Variants in FANCB observed in about 807,000 individuals in gnomAD.
FANCB encodes the protein Fanconi anemia group B protein.
FANCB carries 5 observed loss-of-function variants against 38.9 expected under a neutral mutation model. The ratio of observed to expected loss-of-function variants is 0.13; its 90% CI spans 0.07 to 0.27. FANCB has a LOEUF of 0.27. Ranked by LOEUF, FANCB falls within the 10% of genes least tolerant of loss-of-function variation. The probability of loss-of-function intolerance (pLI) is 1.00; values close to 1 mark genes in which losing one functional copy is unlikely to be tolerated. For missense variants in FANCB, 573 were observed against 602.7 expected, an observed-to-expected ratio of 0.95 and a Z score of 0.52; for synonymous variants, 236 against 215.4, an observed-to-expected ratio of 1.10 and a Z score of -0.84.
the FANCB span, among the ~76,000 whole-genome samples, chrX:14,795,478 G>A: frequency 3.6e-4 from 40 of 111,377 alleles, no homozygotes; most frequent in East Asian, 1.7e-3. Flanking sequence ...GAGGAAAAGG[G>A]TGAAGATGCA....
chrX:14,690,385 A>G, the FANCB span, among the ~76,000 whole-genome samples: 6 of 111,869 alleles, frequency 5.4e-5, no homozygotes, highest in East Asian at 1.7e-3. Flanking sequence ...GCTACTTAAC[A>G]TATGCATTAT....
chrX:14,819,538 C>T, the FANCB span, among the ~76,000 whole-genome samples: 1 of 111,499 alleles, frequency 9.0e-6, no homozygotes, highest in Non-Finnish European at 1.9e-5. Flanking sequence ...GAAAAACAGC[C>T]CCCAGCTAAA....
At chrX:14,706,641 G>C in the FANCB span, among the ~76,000 whole-genome samples, 1 of 111,222 alleles carries the variant, frequency 9.0e-6, no homozygotes, top group African/African-American at 3.3e-5. Flanking sequence ...AGCCAAATGG[G>C]AACCCCATGA....
chrX:14,746,400 T>C, the FANCB span, among the ~76,000 whole-genome samples: 8 of 111,821 alleles, frequency 7.2e-5, no homozygotes, highest in Non-Finnish European at 1.3e-4. Context: ...GACTACAAAG[T>C]ATGGAAGAGA....
At chrX:14,793,242 G>A in the FANCB span, among the ~76,000 whole-genome samples, 1 of 112,171 alleles carries the variant, frequency 8.9e-6, no homozygotes, top group Non-Finnish European at 1.9e-5. Context: ...ATGAAGTATT[G>A]ACACATGCTA....
chrX:14,844,691 A>G lies in FANCB; in HGVS notation c.1977T>C (p.Cys659=), dbSNP rs2092368480. The change falls in exon 9 of 10, where the codon TGT becomes TGC. Residue 659 remains cysteine (C), a synonymous_variant. Transcript: ENST00000650831. ...CATAGCCGGGTGATGTGATTTGAAA[A>G]CAAGATTTATGGAATGCTGCAAGAA... The part of the protein sequence containing the change: ...FALLAAFHKS[C]FQITSPGYAL... 3 of 1,211,466 alleles carry G rather than the reference A, an allele frequency of 2.5e-6. No homozygotes were observed. In the East Asian group the frequency reaches 8.9e-5, roughly 36 times the overall value.
the FANCB span, among the ~76,000 whole-genome samples, chrX:14,692,502 G>A: frequency 8.9e-6 from 1 of 111,870 alleles, no homozygotes; most frequent in African/African-American, 3.2e-5. Context: ...TTTACATATG[G>A]TAATACTGCT....
chrX:14,702,846 C>T, the FANCB span, among the ~76,000 whole-genome samples: 1 of 111,387 alleles, frequency 9.0e-6, no homozygotes, highest in Non-Finnish European at 1.9e-5. Flanking sequence ...AAGGTGGCTC[C>T]TCACAGCATG....
the FANCB span, among the ~76,000 whole-genome samples, chrX:14,814,564 GA>G: frequency 8.9e-6 from 1 of 112,377 alleles, no homozygotes. Flanking sequence ...ACAGACACAT[GA>G]AAAAATGCTC....
At chrX:14,750,828 T>C in the FANCB span, among the ~76,000 whole-genome samples, 2 of 108,002 alleles carry the variant, frequency 1.9e-5, no homozygotes, top group Non-Finnish European at 3.8e-5. Flanking sequence ...TTAAATCATA[T>C]GAAAATAGGC....
the FANCB span, among the ~76,000 whole-genome samples, chrX:14,818,086 T>A: frequency 1.8e-5 from 2 of 111,708 alleles, no homozygotes; most frequent in Non-Finnish European, 3.8e-5. Flanking sequence ...CGGTCCTCAT[T>A]GAGCCTTTGT....
At chrX:14,690,899 T>A in the FANCB span, 1 of 1,175,869 alleles carries the variant, frequency 8.5e-7, no homozygotes, top group Non-Finnish European at 1.2e-6. Context: ...AGAGCTTGAG[T>A]TGGTTAGCTA....
the FANCB span, among the ~76,000 whole-genome samples, chrX:14,826,561 T>C: frequency 1.8e-5 from 2 of 112,620 alleles, no homozygotes; most frequent in African/African-American, 6.5e-5. Context: ...GCATTTCACT[T>C]GAGTGAAGTT....
At chrX:14,700,351 G>A in the FANCB span, among the ~76,000 whole-genome samples, 10 of 110,443 alleles carry the variant, frequency 9.1e-5, no homozygotes, top group African/African-American at 3.3e-4. Flanking sequence ...AATGGAAGGG[G>A]AAGGCAGTGT....
chrX:14,779,669 C>A, the FANCB span, among the ~76,000 whole-genome samples: 2 of 110,025 alleles, frequency 1.8e-5, no homozygotes, highest in Non-Finnish European at 3.8e-5. Context: ...TTATAAATTA[C>A]CCAGTCTCAG....
At chrX:14,867,156 C>A (rs894600878) in intron 2 of FANCB, among the ~76,000 whole-genome samples, 8 of 111,299 alleles carry the variant, frequency 7.2e-5, no homozygotes, top group Admixed American at 6.7e-4. Context: ...GGCCATACTA[C>A]CCAAAGCAAT....
At chrX:14,796,764 A>T in the FANCB span, among the ~76,000 whole-genome samples, 1 of 106,792 alleles carries the variant, frequency 9.4e-6, no homozygotes, top group Non-Finnish European at 1.9e-5. Flanking sequence ...GAACTGGCTC[A>T]TTTACATGAT....
At chrX:14,830,670 T>C in the FANCB span, among the ~76,000 whole-genome samples, 2 of 111,833 alleles carry the variant, frequency 1.8e-5, no homozygotes, top group Admixed American at 9.5e-5. Context: ...CTACTTTGCC[T>C]CTTACTGTCC....
chrX:14,719,312 G>A, the FANCB span, among the ~76,000 whole-genome samples: 2 of 111,478 alleles, frequency 1.8e-5, no homozygotes, highest in African/African-American at 6.5e-5. Flanking sequence ...TCCAATAAGG[G>A]ATCAATATCA....
Sources: gnomAD v4.1 joint callset for allele counts (sites outside exome capture counted in the v4.1 genomes callset) on GRCh38, gnomAD v4.1.1 for gene constraint, MANE v1.5 for transcripts, NCBI Gene and HGNC (gene_info 2026-07-23, HGNC 2026-07-21) for gene names.